Variants in CNTN4 observed in about 807,000 individuals in gnomAD.
CNTN4 encodes the protein contactin-4.
Under a neutral mutation model 122.5 loss-of-function variants are expected in CNTN4, and 77 were observed. That is an observed-to-expected ratio of 0.63 (90% CI 0.52 to 0.76). The LOEUF (loss-of-function observed/expected upper bound fraction) is 0.76. Among genes scored for constraint, CNTN4 ranks in the 30% least tolerant of loss-of-function variants. The pLI, the probability that CNTN4 is intolerant of heterozygous loss-of-function variation, is 0.00. For synonymous variants in CNTN4, 512 were observed against 447.0 expected, an observed-to-expected ratio of 1.15 and a Z score of -1.83; for missense variants, 1,256 against 1,259.1, an observed-to-expected ratio of 1.00 and a Z score of 0.04.
At chr3:2,469,837 C>T (rs955678346) in intron 3 of CNTN4, among the ~76,000 whole-genome samples, 7 of 152,090 alleles carry the variant, frequency 4.6e-5, no homozygotes, top group Admixed American at 2.0e-4. Context: ...TAGTGAAAAA[C>T]GTAAATAACT....
intron 4 of CNTN4, among the ~76,000 whole-genome samples, chr3:2,572,207 C>T (rs555660632): frequency 6.6e-5 from 10 of 151,974 alleles, no homozygotes; most frequent in Non-Finnish European, 1.5e-4. Flanking sequence ...AGTAACATGG[C>T]GAAAGCTCAT....
At chr3:2,601,156 G>A (rs2081027342) in intron 4 of CNTN4, among the ~76,000 whole-genome samples, 1 of 152,236 alleles carries the variant, frequency 6.6e-6, no homozygotes, top group African/African-American at 2.4e-5. Flanking sequence ...TAGGTTGCCT[G>A]TTCACTCTGA....
chr3:2,840,070 C>A (rs2093320298), intron 7 of CNTN4, among the ~76,000 whole-genome samples: 1 of 152,116 alleles, frequency 6.6e-6, no homozygotes, highest in African/African-American at 2.4e-5. Flanking sequence ...GGTCAAGCCT[C>A]CTCATTATGA....
chr3:2,330,106 C>T (rs2043656562), intron 2 of CNTN4, among the ~76,000 whole-genome samples: 1 of 152,286 alleles, frequency 6.6e-6, no homozygotes, highest in South Asian at 2.1e-4. Context: ...TTCCCATGAC[C>T]GCCTCCTTGG....
At chr3:2,871,963 A>C (rs1001762097) in intron 8 of CNTN4, among the ~76,000 whole-genome samples, 1 of 152,214 alleles carries the variant, frequency 6.6e-6, no homozygotes, top group African/African-American at 2.4e-5. Context: ...GATTTGGGAA[A>C]GTACACCTGT....
chr3:2,736,075 T>C (rs2149489935), intron 4 of CNTN4, 140 bp from the exon 5 acceptor site: 1 of 878,596 alleles, frequency 1.1e-6, no homozygotes, highest in South Asian at 1.3e-5. Context: ...AATTTTCTTC[T>C]AGAAGCTGAA....
At chr3:2,539,739 C>T (rs758552396) in intron 3 of CNTN4, among the ~76,000 whole-genome samples, 6 of 152,072 alleles carry the variant, frequency 3.9e-5, no homozygotes, top group Non-Finnish European at 7.4e-5. Flanking sequence ...GATTTCCGAG[C>T]TTTGCTACCT....
At chr3:2,668,624 A>C (rs372977176) in intron 4 of CNTN4, among the ~76,000 whole-genome samples, 1 of 152,128 alleles carries the variant, frequency 6.6e-6, no homozygotes, top group South Asian at 2.1e-4. Context: ...AACTTCCAAC[A>C]CTATGTTGAA....
intron 16 of CNTN4, among the ~76,000 whole-genome samples, chr3:3,031,239 T>A (rs201597126): frequency 1.3e-5 from 2 of 152,152 alleles, no homozygotes; most frequent in African/African-American, 4.8e-5. Flanking sequence ...ATTACGGCTG[T>A]TGGAGTTGAT....
chr3:2,429,856 C>T (rs976294618), intron 3 of CNTN4, among the ~76,000 whole-genome samples: 2 of 152,172 alleles, frequency 1.3e-5, no homozygotes, highest in Admixed American at 6.5e-5. Context: ...ATAAGTGAGG[C>T]TCCGTGGGCA....
At chr3:2,586,406 C>G (rs968730646) in intron 4 of CNTN4, among the ~76,000 whole-genome samples, 1 of 152,210 alleles carries the variant, frequency 6.6e-6, no homozygotes, top group Non-Finnish European at 1.5e-5. Flanking sequence ...GATTCTCCTG[C>G]CTCAGCCTCC....
chr3:2,648,111 C>T (rs1222699230), intron 4 of CNTN4, among the ~76,000 whole-genome samples: 1 of 152,126 alleles, frequency 6.6e-6, no homozygotes, highest in African/African-American at 2.4e-5. Flanking sequence ...TGTCAAAATG[C>T]CACTTTGCCT....
Position 2,709,370 on chromosome 3 carries a change from C to G in CNTN4, c.56-26845C>G, listed in dbSNP as rs751222718. On this transcript the variant is annotated intron_variant, in intron 4 of 24. Coordinates refer to ENST00000418658, the MANE Select transcript of CNTN4 (RefSeq NM_175607.3). This position sits in a 1 kb window ranked among gnomAD's most constrained non-coding sequence, Gnocchi z 5.0. ...TTAAAAAATACTGATGCGTAGGTCT[C>G]ACGCCTGGTTAGGATTTGATTGGTA... Among the ~76,000 whole-genome samples, 4 of 152,020 alleles carry G rather than the reference C, an allele frequency of 2.6e-5. No individual in the cohort carries two copies. The highest frequency in any genetic ancestry group is 4.4e-5 in the Non-Finnish European group (3 of 68,026).
At chr3:2,270,772 G>A (rs1297611911) in intron 2 of CNTN4, among the ~76,000 whole-genome samples, 1 of 152,110 alleles carries the variant, frequency 6.6e-6, no homozygotes, top group Non-Finnish European at 1.5e-5. Flanking sequence ...TTCCTTTGGA[G>A]GGTCCTGAGA....
intron 7 of CNTN4, among the ~76,000 whole-genome samples, chr3:2,837,803 G>A (rs774177141): frequency 6.6e-6 from 1 of 152,158 alleles, no homozygotes; most frequent in Non-Finnish European, 1.5e-5. Flanking sequence ...GTGGTCCGCA[G>A]CCTGCAAGTG....
At chr3:3,018,191 C>T (rs552939395) in intron 14 of CNTN4, among the ~76,000 whole-genome samples, 1 of 152,200 alleles carries the variant, frequency 6.6e-6, no homozygotes, top group Non-Finnish European at 1.5e-5. Flanking sequence ...TAATGTCTTG[C>T]TCCTGACAAT....
chr3:3,026,366 C>G, intron 15 of CNTN4, 89 bp downstream of exon 15: 1 of 1,165,112 alleles, frequency 8.6e-7, no homozygotes, highest in Non-Finnish European at 1.3e-6. Context: ...GAATTTTGTT[C>G]AAGTAATCTT....
intron 2 of CNTN4, among the ~76,000 whole-genome samples, chr3:2,167,242 C>T (rs2036235579): frequency 6.6e-6 from 1 of 152,004 alleles, no homozygotes; most frequent in Non-Finnish European, 1.5e-5. Context: ...ATATCTGCAG[C>T]TCTTGGCATG....
At chr3:2,290,128 A>G (rs1257746745) in intron 2 of CNTN4, among the ~76,000 whole-genome samples, 5 of 152,200 alleles carry the variant, frequency 3.3e-5, no homozygotes, top group Non-Finnish European at 7.3e-5. Flanking sequence ...AAATGTGGGA[A>G]AAAATGAAAC....
Sources: allele counts gnomAD v4.1 joint callset (sites outside exome capture counted in the v4.1 genomes callset), GRCh38; gene constraint gnomAD v4.1.1; non-coding constraint Gnocchi (gnomAD v3.1); transcripts MANE v1.5; gene names NCBI Gene and HGNC (gene_info 2026-07-23, HGNC 2026-07-21).